RAD17: variants seen among roughly 807,000 people sequenced by gnomAD.
RAD17 encodes the protein RAD17 checkpoint clamp loader component, also known as cell cycle checkpoint protein RAD17.
Under a neutral mutation model 81.5 loss-of-function variants are expected in RAD17, and 31 were observed. The ratio of observed to expected loss-of-function variants is 0.38; its 90% CI spans 0.29 to 0.51. The LOEUF is 0.51. Ranked by LOEUF, RAD17 falls within the 20% of genes least tolerant of loss-of-function variation. The pLI, the probability that RAD17 is intolerant of heterozygous loss-of-function variation, is 0.88. For missense variants in RAD17, 681 were observed against 781.2 expected (o/e 0.87, Z 1.53); for synonymous variants, 261 against 266.2 (o/e 0.98, Z 0.19).
intron 12 of RAD17, among the ~76,000 whole-genome samples, chr5:69,390,951 T>C (rs1307603043): frequency 2.4e-5 from 1 of 41,856 alleles, no homozygotes. Context: ...AGACCCTGTG[T>C]CAAAAAAAAA....
intron 6 of RAD17, 63 bp from the exon 7 acceptor site, chr5:69,381,838 A>C: frequency 8.3e-7 from 1 of 1,209,314 alleles, no homozygotes; most frequent in South Asian, 1.6e-5. Flanking sequence ...ATGAAAAGTC[A>C]GAAATAATAT....
intron 8 of RAD17, among the ~76,000 whole-genome samples, 199 bp downstream of exon 8, chr5:69,385,132 TG>T (rs1764112436): frequency 6.6e-6 from 1 of 151,768 alleles, no homozygotes; most frequent in Non-Finnish European, 1.5e-5. Flanking sequence ...GCTAATTTTT[TG>T]TATTTTTTAG....
At chr5:69,407,565 T>TTTTG (rs1561275928) in intron 17 of RAD17, among the ~76,000 whole-genome samples, 1 of 74,394 alleles carries the variant, frequency 1.3e-5, no homozygotes, top group Non-Finnish European at 2.5e-5. Context: ...TGTCCAAGTT[T>TTTTG]TTTTTTTTTT....
chr5:69,382,320 C>T (rs1249328017), intron 7 of RAD17, among the ~76,000 whole-genome samples: 1 of 152,076 alleles, frequency 6.6e-6, no homozygotes, highest in Non-Finnish European at 1.5e-5. Context: ...GTGTTGTGTA[C>T]CTGTAGTTCT....
rs115501204 is a variant in RAD17 at position 69,383,795 on chromosome 5, C to T, written c.509-1002C>T. ...CCTCTGGGGTAGCTGGGACTACAGA[C>T]GTGTGTTCCTGCATCTGGCTTTTAC... is the stretch of plus-strand genomic sequence containing the variant. On this transcript the variant is annotated intron_variant, in intron 7 of 18. Coordinates refer to ENST00000354868, the MANE Select transcript of RAD17 (RefSeq NM_133338.3). 4.6e-3 allele frequency among the ~76,000 whole-genome samples: 705 copies of T among 152,248 alleles called. 5 individuals are homozygous for T. The highest frequency in any genetic ancestry group is 7.7e-3 in the Non-Finnish European group (522 of 68,018).
At chr5:69,392,427 G>A (rs1372403955) in intron 13 of RAD17, among the ~76,000 whole-genome samples, 1 of 152,162 alleles carries the variant, frequency 6.6e-6, no homozygotes, top group African/African-American at 2.4e-5. Flanking sequence ...CAAGCGTTCT[G>A]TCTCCCCAAC....
At chr5:69,369,619 A>G, upstream of RAD17, 9 of 1,575,234 alleles carry the variant, frequency 5.7e-6, no homozygotes, top group Non-Finnish European at 6.9e-6. Flanking sequence ...CGGCGCCCCT[A>G]GCCTGCCCCG....
In RAD17 at chr5:69,386,170, G is replaced by A; in HGVS notation, c.699-10G>A. Reference sequence around the variant, plus strand: ...TTAAATTTCAACATTGCTGTATTTTGTTATTTTAGGAAGTATGTGAGGATT... The same window carrying A: ...TTAAATTTCAACATTGCTGTATTTTATTATTTTAGGAAGTATGTGAGGATT... On this transcript the variant is annotated splice_polypyrimidine_tract_variant and intron_variant, in intron 9 of 18. Transcript: ENST00000354868. 6.2e-7 allele frequency: 1 copy of A among 1,600,732 alleles called. No individual in the cohort carries two copies. Among genetic ancestry groups the A allele is most frequent in the South Asian group, 1.1e-5 (1 of 87,866 alleles).
intron 6 of RAD17, among the ~76,000 whole-genome samples, chr5:69,378,715 CTTCAATTAATGATGGGG>C: frequency 6.6e-6 from 1 of 152,118 alleles, no homozygotes; most frequent in Admixed American, 6.6e-5. Flanking sequence ...TTCAGTCATG[CTTCAATTAATGATGGGG>C]ATACATTCTG....
In RAD17 at chr5:69,396,411, CAG is replaced by C. The variant is rs776067864; in HGVS notation, c.1438_1439del (p.Arg480GlyfsTer3). 6.2e-7 allele frequency: 1 copy of C among 1,610,988 alleles called. No individual in the cohort carries two copies. Among genetic ancestry groups the C allele is most frequent in the African/African-American group, 1.3e-5 (1 of 74,916 alleles). ...TCATTTGTTAGACACGCTCTTTACT[CAG>C]GGAATATAGCACATCTATAGCTACG... ...SGDWNTRSLL[R>X]EYSTSIATRG... is the part of the protein sequence containing the mutation. On this transcript the variant is annotated frameshift_variant, in exon 16 of 19. Coordinates refer to ENST00000354868, the MANE Select transcript of RAD17 (RefSeq NM_133338.3). LOFTEE classifies it high-confidence loss of function.
intron 11 of RAD17, among the ~76,000 whole-genome samples, chr5:69,388,062 G>A (rs1764324803): frequency 6.6e-6 from 1 of 152,130 alleles, no homozygotes; most frequent in Non-Finnish European, 1.5e-5. Context: ...CATGAGAACT[G>A]CAAATTGAGC....
intron 17 of RAD17, among the ~76,000 whole-genome samples, chr5:69,405,795 A>G (rs1765563725): frequency 6.6e-6 from 1 of 152,064 alleles, no homozygotes; most frequent in African/African-American, 2.4e-5. Context: ...TAATCCCAGC[A>G]CTTTGGGAGG....
chr5:69,408,950 C>T (rs963428654), intron 17 of RAD17, among the ~76,000 whole-genome samples: 1 of 152,010 alleles, frequency 6.6e-6, no homozygotes, highest in African/African-American at 2.4e-5. Flanking sequence ...CCAGGAGGGC[C>T]CTTCTTAGTT....
chr5:69,402,592 T>C (rs1765342833), intron 17 of RAD17, among the ~76,000 whole-genome samples: 1 of 151,476 alleles, frequency 6.6e-6, no homozygotes, highest in African/African-American at 2.4e-5. Context: ...GAGGCGGAGC[T>C]TGCAGTGAGC....
At chr5:69,374,119 A>G in intron 5 of RAD17, 32 bp downstream of exon 5, 2 of 1,566,146 alleles carry the variant, frequency 1.3e-6, no homozygotes, top group Non-Finnish European at 1.7e-6. Flanking sequence ...TATCTACATA[A>G]TTTAATTTCA....
chr5:69,371,901 G>T (rs1463077564), intron 3 of RAD17, 133 bp from the exon 4 acceptor site: 8 of 415,378 alleles, frequency 1.9e-5, no homozygotes, highest in Admixed American at 4.3e-5. Flanking sequence ...CAGCAAGATA[G>T]GGGTTAAGGT....
intron 15 of RAD17, among the ~76,000 whole-genome samples, chr5:69,395,863 A>T (rs988911202): frequency 1.3e-5 from 2 of 152,252 alleles, no homozygotes; most frequent in Admixed American, 6.5e-5. Flanking sequence ...CTTAAGCAGC[A>T]TAAGGACATT....
intron 4 of RAD17, among the ~76,000 whole-genome samples, chr5:69,372,742 G>A (rs1259894779): frequency 6.6e-6 from 1 of 152,034 alleles, no homozygotes; most frequent in Admixed American, 6.6e-5. Flanking sequence ...CCCCCAAGTA[G>A]CTGGGAATAC....
chr5:69,382,971 A>G (rs1319934539), intron 7 of RAD17, among the ~76,000 whole-genome samples: 1 of 151,958 alleles, frequency 6.6e-6, no homozygotes, highest in Non-Finnish European at 1.5e-5. Context: ...TTTAGTAGAG[A>G]TGGGGTTTTG....
Sources: allele counts gnomAD v4.1 joint callset (sites outside exome capture counted in the v4.1 genomes callset), GRCh38; gene constraint gnomAD v4.1.1; transcripts MANE v1.5; gene names NCBI Gene and HGNC (gene_info 2026-07-23, HGNC 2026-07-21).